Variants in NOS2 observed in about 807,000 individuals in gnomAD.
The protein encoded by NOS2 is nitric oxide synthase, inducible.
In NOS2, 96 loss-of-function variants were observed where a neutral mutation model predicts 136.0. The ratio of observed to expected loss-of-function variants is 0.71; its 90% CI spans 0.60 to 0.84. The LOEUF is 0.84. Ranked by LOEUF, NOS2 falls within the 40% of genes least tolerant of loss-of-function variation. NOS2 has a pLI of 0.00. For missense variants in NOS2, 1,237 were observed against 1,496.9 expected, an observed-to-expected ratio of 0.83 and a Z score of 2.87; for synonymous variants, 539 against 587.5, an observed-to-expected ratio of 0.92 and a Z score of 1.20.
At position 27,788,858 on chromosome 17, in the gene NOS2, C is replaced by T. The variant is rs1452626898; in HGVS notation, c.269G>A (p.Trp90Ter). Residue 90 changes from tryptophan to a stop codon, truncating the protein, a stop_gained, in exon 4 of 27, where the codon TGG (tryptophan) becomes TAG (stop). Transcript: ENST00000313735. LOFTEE classifies it high-confidence loss of function. ...SSPRHVRIKN[W>*]GSGMTFQDTL... ...GTCTTGGAAAGTCATCCCGCTGCCC[C>T]AGTTTTTGATCCTCACATGCCGTGG... 6.2e-7 allele frequency: 1 copy of T among 1,614,072 alleles called. No individual in the cohort carries two copies. The highest frequency in any genetic ancestry group is 1.3e-5 in the African/African-American group (1 of 74,932).
chr17:27,798,979 C>T, intron 1 of NOS2, 97 bp from the exon 2 acceptor site: 1 of 600,780 alleles, frequency 1.7e-6, no homozygotes, highest in Admixed American at 3.0e-5. Context: ...GATATGAACG[C>T]CAGCATGAGC....
intron 13 of NOS2, 136 bp from the exon 14 acceptor site, chr17:27,772,588 A>C: frequency 3.1e-6 from 3 of 961,172 alleles, no homozygotes; most frequent in Non-Finnish European, 4.6e-6. Context: ...GTTTCTCACC[A>C]GCCATGTACC....
chr17:27,769,070 G>A lies in NOS2; in HGVS notation c.1941C>T (p.His647=). ...TCGGGGTGAGCTGAGAGGCCCCCAGGTGGGACAGCTTCTGATCAATGTCAT... is the reference window on the plus strand; with the variant it reads ...TCGGGGTGAGCTGAGAGGCCCCCAGATGGGACAGCTTCTGATCAATGTCAT... ...FAHDIDQKLS[H]LGASQLTPMG... The change falls in exon 17 of 27, where the codon CAC becomes CAT. Residue 647 remains histidine, a synonymous_variant. Transcript: ENST00000313735. 1 of 1,612,884 alleles carries A rather than the reference G, an allele frequency of 6.2e-7. No individual in the cohort carries two copies. Among genetic ancestry groups the A allele is most frequent in the Non-Finnish European group, 8.5e-7 (1 of 1,179,686 alleles).
In NOS2 at chr17:27,771,741, C is replaced by T. The variant is rs183676900; in HGVS notation, c.1704+567G>A. 2.6e-4 allele frequency among the ~76,000 whole-genome samples: 40 copies of T among 152,266 alleles called. No individual in the cohort carries two copies. In the East Asian group the frequency reaches 7.0e-3, roughly 27 times the overall value. On this transcript the variant is annotated intron_variant, in intron 14 of 26. Transcript: ENST00000313735. ...CTCTGTGCATTAACAATGGCATTGA[C>T]GCCTGCTTTGCAGGGCGCTGGGAGG...
At chr17:27,770,791 G>A (rs1281193598) in intron 15 of NOS2, 122 bp downstream of exon 15, 15 of 650,580 alleles carry the variant, frequency 2.3e-5, no homozygotes, top group East Asian at 8.3e-5. Context: ...TGAGTGACCC[G>A]GAGTGGCCTG....
At chr17:27,767,596 C>T (rs1040127137) in intron 18 of NOS2, 109 bp downstream of exon 18, 31 of 1,342,800 alleles carry the variant, frequency 2.3e-5, no homozygotes, top group Non-Finnish European at 2.8e-5. Context: ...GAGGGAGGCC[C>T]CGAGGCCAGC....
intron 11 of NOS2, 65 bp from the exon 12 acceptor site, chr17:27,774,516 G>C: frequency 7.8e-7 from 1 of 1,275,018 alleles, no homozygotes; most frequent in Non-Finnish European, 1.0e-6. Flanking sequence ...GGGCCGGTTG[G>C]CCGCAGGGCT....
intron 11 of NOS2, among the ~76,000 whole-genome samples, chr17:27,776,169 GC>G: frequency 6.6e-6 from 1 of 152,334 alleles, no homozygotes; most frequent in Middle Eastern, 3.4e-3. Context: ...GTTGAGTGGG[GC>G]ACTGCATGAG....
chr17:27,797,307 A>G (rs1175104101), intron 2 of NOS2, among the ~76,000 whole-genome samples: 1 of 152,268 alleles, frequency 6.6e-6, no homozygotes, highest in Non-Finnish European at 1.5e-5. Context: ...AGCAATGCCA[A>G]CAGTGCCATT....
intron 9 of NOS2, among the ~76,000 whole-genome samples, chr17:27,780,272 A>G (rs1395911129): frequency 6.6e-6 from 1 of 152,250 alleles, no homozygotes; most frequent in Non-Finnish European, 1.5e-5. Context: ...GCCAGGAAGA[A>G]GAGCCCAGCC....
chr17:27,763,144 G>A, intron 21 of NOS2, 139 bp from the exon 22 acceptor site: 1 of 616,884 alleles, frequency 1.6e-6, no homozygotes, highest in Non-Finnish European at 2.8e-6. Context: ...ATGGTGCTGA[G>A]ACGACCAAAC....
chr17:27,767,505 C>T (rs1344904975), intron 18 of NOS2, among the ~76,000 whole-genome samples, 200 bp downstream of exon 18: 2 of 152,264 alleles, frequency 1.3e-5, no homozygotes, highest in Non-Finnish European at 2.9e-5. Flanking sequence ...CTGTCTCCAC[C>T]ACCCTCCTGG....
intron 25 of NOS2, among the ~76,000 whole-genome samples, chr17:27,759,317 A>AG (rs1395218616): frequency 1.3e-5 from 2 of 152,318 alleles, no homozygotes; most frequent in Non-Finnish European, 2.9e-5. Flanking sequence ...CTGACCATCC[A>AG]GTGGGGATCC....
intron 2 of NOS2, among the ~76,000 whole-genome samples, chr17:27,795,960 G>A (rs1353322278): frequency 1.3e-5 from 2 of 152,218 alleles, no homozygotes; most frequent in East Asian, 1.9e-4. Flanking sequence ...AAAGACATAG[G>A]GATAACTGGC....
At position 27,763,016 on chromosome 17, in the gene NOS2, A is replaced by C; in HGVS notation, c.2593-11T>G. ...GCTGTACTCTGAGGGCTAAAAGCCA[A>C]GGGTGATGTCAGTGACTCAGGGCGC... On this transcript the variant is annotated splice_polypyrimidine_tract_variant and intron_variant, in intron 21 of 26. Coordinates refer to ENST00000313735, the MANE Select transcript of NOS2 (RefSeq NM_000625.4). 1.3e-6 allele frequency: 2 copies of C among 1,581,080 alleles called. No homozygotes were observed. Among genetic ancestry groups the C allele is most frequent in the Non-Finnish European group, 1.7e-6 (2 of 1,162,528 alleles).
chr17:27,767,866 A>C (rs1308232353), intron 17 of NOS2, 29 bp from the exon 18 acceptor site: 1 of 1,609,636 alleles, frequency 6.2e-7, no homozygotes, highest in Non-Finnish European at 8.5e-7. Flanking sequence ...GACTGCGGTT[A>C]ATGGTCAGCA....
chr17:27,757,351 G>T lies in NOS2; in HGVS notation c.3357C>A (p.Ser1119Arg). 1 of 1,613,794 alleles carries T rather than the reference G, an allele frequency of 6.2e-7. No individual in the cohort carries two copies. The highest frequency in any genetic ancestry group is 8.5e-7 in the Non-Finnish European group (1 of 1,179,880). Residue 1119 changes from serine (S) to arginine (R), a missense_variant and splice_region_variant, in exon 27 of 27, where the codon AGC becomes AGA. Around this residue, in one of 3 missense-constraint regions of NOS2, gnomAD observed 782 missense variants for 909.9 expected, o/e 0.86. Transcript: ENST00000313735. ...QVEDYFFQLK[S>R]QKRYHEDIFG... ...AGATATCTTCGTGATAGCGCTTCTG[G>T]CTCTTTTAGGTAAAAACAGAGAGCA...
At position 27,757,364 on chromosome 17, in the gene NOS2, A is replaced by G. The variant is rs574280986; in HGVS notation, c.3355-11T>C. 7 of 1,613,130 alleles carry G rather than the reference A, an allele frequency of 4.3e-6. No individual in the cohort carries two copies. In the Admixed American group the frequency reaches 1.0e-4, roughly 23 times the overall value. Reference sequence around the variant, plus strand: ...ATAGCGCTTCTGGCTCTTTTAGGTAAAAACAGAGAGCAACGTGTCAAGTCC... The same window carrying G: ...ATAGCGCTTCTGGCTCTTTTAGGTAGAAACAGAGAGCAACGTGTCAAGTCC... On this transcript the variant is annotated splice_polypyrimidine_tract_variant and intron_variant, in intron 26 of 26. Transcript: ENST00000313735.
chr17:27,784,384 C>T (rs1396285785), intron 5 of NOS2, among the ~76,000 whole-genome samples: 1 of 152,156 alleles, frequency 6.6e-6, no homozygotes, highest in Non-Finnish European at 1.5e-5. Flanking sequence ...CCCAAGGACA[C>T]CCCTGCCATA....
Sources: gnomAD v4.1 joint callset for allele counts (sites outside exome capture counted in the v4.1 genomes callset) on GRCh38, gnomAD v4.1.1 for gene constraint, gnomAD v4.1.1 regional missense constraint, MANE v1.5 for transcripts, NCBI Gene and HGNC (gene_info 2026-07-23, HGNC 2026-07-21) for gene names.